ADAM19: variants seen among roughly 807,000 people sequenced by gnomAD.
The protein encoded by ADAM19 is ADAM metallopeptidase domain 19.
In ADAM19, 65 loss-of-function variants were observed where a neutral mutation model predicts 114.7. The observed-to-expected ratio is 0.57, with a 90% CI of 0.46 to 0.70. ADAM19 has a LOEUF of 0.70. ADAM19 is among the 30% of genes least tolerant of loss of function. The probability of loss-of-function intolerance (pLI) is 0.00; values close to 1 mark genes in which losing one functional copy is unlikely to be tolerated. For synonymous variants in ADAM19, 466 were observed against 460.5 expected (o/e 1.01, Z -0.15); for missense variants, 1,063 against 1,204.7 (o/e 0.88, Z 1.74).
chr5:157,536,508 A>G (rs1756770585), intron 4 of ADAM19, among the ~76,000 whole-genome samples: 1 of 152,114 alleles, frequency 6.6e-6, no homozygotes, highest in Non-Finnish European at 1.5e-5. Context: ...CATGCCTGTA[A>G]TCCCACCTAC....
chr5:157,504,833 C>T (rs889873586), intron 11 of ADAM19, among the ~76,000 whole-genome samples: 6 of 124,444 alleles, frequency 4.8e-5, no homozygotes, highest in Non-Finnish European at 9.8e-5. Context: ...TTTAAAAATC[C>T]CTCATGTCCA....
rs926972835 is a variant in ADAM19, at chr5:157,477,906, C to T, written c.*3043G>A. 18 of 350,326 alleles carry T rather than the reference C, an allele frequency of 5.1e-5. No homozygotes were observed. Among genetic ancestry groups the T allele is most frequent in the Non-Finnish European group, 9.4e-5 (17 of 180,986 alleles). 21.7% of individuals were successfully genotyped at this position (350,326 alleles called of 1,614,324 possible). ...AGCAAGTCTCAGACCTTAAGATCTGCAAGTGTCTCAGAGCTGGGGCAGAAA... is the reference window on the plus strand; with the variant it reads ...AGCAAGTCTCAGACCTTAAGATCTGTAAGTGTCTCAGAGCTGGGGCAGAAA... On this transcript the variant is annotated 3_prime_UTR_variant, in exon 23 of 23. Coordinates refer to ENST00000257527, the MANE Select transcript of ADAM19 (RefSeq NM_033274.5).
intron 6 of ADAM19, among the ~76,000 whole-genome samples, chr5:157,519,579 C>A (rs563935004): frequency 6.6e-6 from 1 of 152,316 alleles, no homozygotes; most frequent in South Asian, 2.1e-4. Flanking sequence ...GCCATGGCGC[C>A]CAGCCTTCTT....
chr5:157,569,851 A>G (rs1476874050), intron 2 of ADAM19, among the ~76,000 whole-genome samples: 1 of 152,152 alleles, frequency 6.6e-6, no homozygotes, highest in East Asian at 1.9e-4. Flanking sequence ...TCTAAGCACT[A>G]TTTTATAAAT....
rs530655220 is a variant in ADAM19, at chr5:157,551,456, C to A, written c.251+12917G>T. Reference sequence around the variant, plus strand: ...AGACCAAAAAAACTAAGACCTCAAACCATTTAACTGCAACAAGAAAACATT... The same window carrying A: ...AGACCAAAAAAACTAAGACCTCAAAACATTTAACTGCAACAAGAAAACATT... On this transcript the variant is annotated intron_variant, in intron 3 of 22. Coordinates refer to ENST00000257527, the MANE Select transcript of ADAM19 (RefSeq NM_033274.5). Among the ~76,000 whole-genome samples the A allele has an allele frequency of 1.8e-3, 254 of 142,772 alleles. 1 individual carries two copies. Among genetic ancestry groups the A allele is most frequent in the Non-Finnish European group, 3.1e-3 (206 of 65,826 alleles). The allele number at this position is 142,772 out of a possible 152,430, so 93.7% of individuals were successfully genotyped here.
At chr5:157,527,843 T>C (rs1428877477) in intron 5 of ADAM19, among the ~76,000 whole-genome samples, 2 of 152,226 alleles carry the variant, frequency 1.3e-5, no homozygotes, top group Non-Finnish European at 2.9e-5. Context: ...TTTTTGAATT[T>C]ATTTTTACTA....
At chr5:157,500,385 A>C (rs1443761995) in intron 12 of ADAM19, among the ~76,000 whole-genome samples, 1 of 152,222 alleles carries the variant, frequency 6.6e-6, no homozygotes, top group Non-Finnish European at 1.5e-5. Flanking sequence ...ACTTTACAAA[A>C]TCATAGTATC....
intron 1 of ADAM19, chr5:157,572,391 C>G (rs762870598): frequency 2.5e-6 from 1 of 400,786 alleles, no homozygotes. Flanking sequence ...GGTAATTTCC[C>G]GACACCTAAA....
intron 5 of ADAM19, among the ~76,000 whole-genome samples, chr5:157,522,713 G>T (rs1756337802): frequency 6.6e-6 from 1 of 152,148 alleles, no homozygotes; most frequent in African/African-American, 2.4e-5. Flanking sequence ...TTGAACCTGG[G>T]AGGCGGAGGT....
At chr5:157,552,995 T>C (rs1757245423) in intron 3 of ADAM19, among the ~76,000 whole-genome samples, 2 of 152,086 alleles carry the variant, frequency 1.3e-5, no homozygotes, top group South Asian at 4.1e-4. Flanking sequence ...ATCAAAATAA[T>C]TGAACTCCTG....
At chr5:157,553,190 T>G (rs1332393285) in intron 3 of ADAM19, among the ~76,000 whole-genome samples, 1 of 152,226 alleles carries the variant, frequency 6.6e-6, no homozygotes, top group African/African-American at 2.4e-5. Context: ...ATAATTGGAC[T>G]GTTTGCAATG....
intron 1 of ADAM19, among the ~76,000 whole-genome samples, chr5:157,574,369 G>T (rs527543769): frequency 6.6e-6 from 1 of 152,282 alleles, no homozygotes; most frequent in East Asian, 1.9e-4. Flanking sequence ...ACTGACACAG[G>T]CCTGGTGCTA....
intron 3 of ADAM19, among the ~76,000 whole-genome samples, chr5:157,553,095 A>G (rs1378084328): frequency 6.6e-6 from 1 of 152,226 alleles, no homozygotes; most frequent in African/African-American, 2.4e-5. Context: ...AAGAATAGAA[A>G]AAATGAATAA....
chr5:157,490,679 G>A (rs1417736426), intron 18 of ADAM19, among the ~76,000 whole-genome samples: 1 of 152,108 alleles, frequency 6.6e-6, no homozygotes, highest in African/African-American at 2.4e-5. Flanking sequence ...AGATCACAAG[G>A]TAAAGAGATC....
At chr5:157,504,342 T>C (rs187994970) in intron 11 of ADAM19, among the ~76,000 whole-genome samples, 1 of 152,236 alleles carries the variant, frequency 6.6e-6, no homozygotes, top group African/African-American at 2.4e-5. Flanking sequence ...CCTTTGCCTC[T>C]CGAGTTCAAG....
intron 1 of ADAM19, among the ~76,000 whole-genome samples, chr5:157,572,756 A>G (rs374508030): frequency 1.3e-5 from 2 of 152,234 alleles, no homozygotes; most frequent in Non-Finnish European, 2.9e-5. Flanking sequence ...GAACAAGACA[A>G]GCATACTGCA....
rs1468956869 is a variant in ADAM19 at position 157,513,489 on chromosome 5, C to T, written c.683G>A (p.Arg228Gln). 8 of 1,613,918 alleles carry T rather than the reference C, an allele frequency of 5.0e-6. No individual in the cohort carries two copies. The highest frequency in any genetic ancestry group is 1.6e-4 in the Middle Eastern group (1 of 6,076). The change falls in exon 8 of 23, where the codon CGA (arginine) becomes CAA (glutamine). Residue 228 changes from arginine (R) to glutamine (Q), a missense_variant. Transcript: ENST00000257527. The stretch of plus-strand genomic sequence containing the variant: ...CTTGTGTTTGGTGGCGTCCTGGTCT[C>T]GTCGATTCTTCTGAAACTAAATGGG... ...ADYLEFQKNR[R>Q]DQDATKHKLI... is the part of the protein sequence containing the mutation.
chr5:157,522,623 T>C (rs1354174950), intron 5 of ADAM19, among the ~76,000 whole-genome samples: 1 of 152,100 alleles, frequency 6.6e-6, no homozygotes, highest in Non-Finnish European at 1.5e-5. Context: ...CTGTCTCTAC[T>C]AAAAATACAA....
At chr5:157,506,527 C>A (rs565657125) in intron 10 of ADAM19, among the ~76,000 whole-genome samples, 1 of 152,234 alleles carries the variant, frequency 6.6e-6, no homozygotes, top group African/African-American at 2.4e-5. Context: ...GCTACTTTGT[C>A]GATAAATACA....
Sources: allele counts gnomAD v4.1 joint callset (sites outside exome capture counted in the v4.1 genomes callset), GRCh38; gene constraint gnomAD v4.1.1; transcripts MANE v1.5; gene names NCBI Gene and HGNC (gene_info 2026-07-23, HGNC 2026-07-21).